OSBP2: variants seen among roughly 807,000 people sequenced by gnomAD.
OSBP2 encodes the protein oxysterol-binding protein 2.
Under a neutral mutation model 96.0 loss-of-function variants are expected in OSBP2, and 66 were observed. The ratio of observed to expected loss-of-function variants is 0.69; its 90% CI spans 0.56 to 0.84. OSBP2 has a LOEUF of 0.84. OSBP2 is among the 40% of genes least tolerant of loss of function. The pLI is 0.00. For synonymous variants in OSBP2, 525 were observed against 520.9 expected (o/e 1.01, Z -0.11); for missense variants, 1,038 against 1,222.7 (o/e 0.85, Z 2.25).
intron 2 of OSBP2, among the ~76,000 whole-genome samples, chr22:30,768,672 T>A (rs1200609384): frequency 6.7e-6 from 1 of 149,612 alleles, no homozygotes; most frequent in African/African-American, 2.5e-5. Flanking sequence ...AGCGAGAAAC[T>A]CCATCTCAAA....
At chr22:30,715,621 G>A (rs917005903) in intron 1 of OSBP2, among the ~76,000 whole-genome samples, 3 of 150,900 alleles carry the variant, frequency 2.0e-5, no homozygotes, top group South Asian at 2.1e-4. Flanking sequence ...GCGCCATCTC[G>A]GCTCACTGCA....
intron 1 of OSBP2, among the ~76,000 whole-genome samples, chr22:30,733,060 G>A (rs1470371253): frequency 2.6e-5 from 4 of 152,194 alleles, no homozygotes; most frequent in Non-Finnish European, 5.9e-5. Flanking sequence ...AAGCACTTCC[G>A]TTTCATGAAG....
chr22:30,757,577 C>A (rs1351404720), intron 2 of OSBP2, among the ~76,000 whole-genome samples: 1 of 152,040 alleles, frequency 6.6e-6, no homozygotes, highest in Admixed American at 6.6e-5. Flanking sequence ...GCCACCATAC[C>A]TGGCTAATTT....
At chr22:30,723,361 TC>T (rs1038216743) in intron 1 of OSBP2, among the ~76,000 whole-genome samples, 3 of 148,494 alleles carry the variant, frequency 2.0e-5, no homozygotes, top group Non-Finnish European at 4.5e-5. Context: ...CGCCTCAGCC[TC>T]CCAAATTGCT....
rs191757559 is a variant in OSBP2 at position 30,881,504 on chromosome 22, G to A, written c.1108-5922G>A. 1.1e-4 allele frequency among the ~76,000 whole-genome samples: 16 copies of A among 152,268 alleles called. No homozygotes were observed. Among genetic ancestry groups the A allele is most frequent in the East Asian group, 3.9e-4 (2 of 5,174 alleles). On this transcript the variant is annotated intron_variant, in intron 3 of 13. Coordinates refer to ENST00000332585, the MANE Select transcript of OSBP2 (RefSeq NM_030758.4). This position sits in a 1 kb window ranked among gnomAD's most constrained non-coding sequence, Gnocchi z 4.5. ...TCTCCTCCTGCTCACAGCTGAGCAC[G>A]AGTCTCCTGGCCCCAGGTAGAGTTG...
intron 2 of OSBP2, among the ~76,000 whole-genome samples, chr22:30,763,478 T>A (rs1310306479): frequency 6.6e-6 from 1 of 152,126 alleles, no homozygotes; most frequent in East Asian, 1.9e-4. Context: ...GAAACCTGTT[T>A]CTACTGAAAA....
Position 30,758,325 on chromosome 22 carries a change from C to T in OSBP2, c.853+16956C>T, listed in dbSNP as rs573779553. Among the ~76,000 whole-genome samples, 22 of 152,180 alleles carry T rather than the reference C, an allele frequency of 1.4e-4. No homozygotes were observed. In the East Asian group the frequency reaches 3.7e-3, roughly 25 times the overall value. On this transcript the variant is annotated intron_variant, in intron 2 of 13. Coordinates refer to ENST00000332585, the MANE Select transcript of OSBP2 (RefSeq NM_030758.4). The stretch of plus-strand genomic sequence containing the variant: ...CTGAGGTGTGATAATCACTTGATCC[C>T]GGGAGGAAGAGGTTGCAGTGAGCCG...
At chr22:30,793,224 T>C (rs1444369219) in intron 2 of OSBP2, among the ~76,000 whole-genome samples, 1 of 151,424 alleles carries the variant, frequency 6.6e-6, no homozygotes, top group Non-Finnish European at 1.5e-5. Flanking sequence ...AACCCATCTC[T>C]ACTAAAAATA....
At chr22:30,734,643 C>T (rs1360172390) in intron 1 of OSBP2, among the ~76,000 whole-genome samples, 2 of 152,070 alleles carry the variant, frequency 1.3e-5, no homozygotes, top group East Asian at 1.9e-4. Flanking sequence ...AAATTTTAGA[C>T]CCTTTCAGGA....
chr22:30,878,607 C>T (rs1040350766), intron 3 of OSBP2, among the ~76,000 whole-genome samples: 1 of 152,134 alleles, frequency 6.6e-6, no homozygotes, highest in Non-Finnish European at 1.5e-5. Context: ...AGAGCTAGCT[C>T]GAGGTGCCCA....
chr22:30,787,847 G>C (rs2090615545), intron 2 of OSBP2, among the ~76,000 whole-genome samples: 1 of 152,104 alleles, frequency 6.6e-6, no homozygotes, highest in African/African-American at 2.4e-5. Flanking sequence ...AAAGAACCTT[G>C]GAGGGGTGTT....
chr22:30,905,994 G>A lies in OSBP2; in HGVS notation c.2533G>A (p.Glu845Lys), dbSNP rs1266547826. ...GGCCAATACCGAGAAGCAGCGGCTG[G>A]AGGAGAAGCAGCGCCTGTCGCGGCG... is the stretch of plus-strand genomic sequence containing the variant. ...DEANTEKQRL[E>K]EKQRLSRRRR... The change falls in exon 13 of 14, where the codon GAG becomes AAG. Residue 845 changes from glutamate (E) to lysine (K), a missense_variant. Coordinates refer to ENST00000332585, the MANE Select transcript of OSBP2 (RefSeq NM_030758.4). 3.1e-6 allele frequency: 5 copies of A among 1,598,428 alleles called. No individual in the cohort carries two copies. Among genetic ancestry groups the A allele is most frequent in the African/African-American group, 1.3e-5 (1 of 74,840 alleles).
At chr22:30,889,962 G>C (rs983908200) in intron 7 of OSBP2, among the ~76,000 whole-genome samples, 1 of 152,146 alleles carries the variant, frequency 6.6e-6, no homozygotes, top group African/African-American at 2.4e-5. Flanking sequence ...GGAGTGGCAG[G>C]ATGGGGCTGT....
At chr22:30,757,525 C>G (rs886411726) in intron 2 of OSBP2, among the ~76,000 whole-genome samples, 34 of 152,156 alleles carry the variant, frequency 2.2e-4, no homozygotes, top group African/African-American at 7.9e-4. Flanking sequence ...TCAAGTGATT[C>G]TCCTGTCTCA....
At chr22:30,777,580 C>G (rs1389996686) in intron 2 of OSBP2, among the ~76,000 whole-genome samples, 1 of 152,162 alleles carries the variant, frequency 6.6e-6, no homozygotes, top group African/African-American at 2.4e-5. Flanking sequence ...ACTAATACAA[C>G]TACTCTTCCA....
At position 30,906,931 on chromosome 22, in the gene OSBP2, C is replaced by G. The variant is rs1169252107; in HGVS notation, c.*592C>G. ...CGATGGTATCTGAGCTGCCCACACC[C>G]CCACCTGCCAAGGCCCCACAGAGCC... On this transcript the variant is annotated 3_prime_UTR_variant, in exon 14 of 14. Coordinates refer to ENST00000332585, the MANE Select transcript of OSBP2 (RefSeq NM_030758.4). 2 of 152,656 alleles carry G rather than the reference C, an allele frequency of 1.3e-5. No homozygotes were observed. Among genetic ancestry groups the G allele is most frequent in the Admixed American group, 6.5e-5 (1 of 15,284 alleles). The allele number at this position is 152,656 out of a possible 1,614,324, so 9.5% of individuals were successfully genotyped here. A position where few individuals can be genotyped will look rare whatever the true frequency, so the allele number is the denominator to read the frequency against.
rs984841866 is a variant in OSBP2 at position 30,846,557 on chromosome 22, G to A, written c.854-23872G>A. Among the ~76,000 whole-genome samples, 27 of 152,006 alleles carry A rather than the reference G, an allele frequency of 1.8e-4. 4 individuals carry two copies. The highest frequency in any genetic ancestry group is 1.5e-3 in the Admixed American group (23 of 15,258). ...TTGATAATAGCCATCCTAGTAGGTG[G>A]GAAATGCTAGTATCTCACTGTGGGT... On this transcript the variant is annotated intron_variant, in intron 2 of 13. Transcript: ENST00000332585.
At chr22:30,840,890 C>T (rs142409966) in intron 2 of OSBP2, among the ~76,000 whole-genome samples, 32 of 151,868 alleles carry the variant, frequency 2.1e-4, no homozygotes, top group Non-Finnish European at 3.5e-4. Flanking sequence ...GTGGGCTAGG[C>T]GAGGTGACTC....
intron 1 of OSBP2, among the ~76,000 whole-genome samples, chr22:30,700,387 A>C (rs1164944794): frequency 1.3e-5 from 2 of 152,108 alleles, no homozygotes; most frequent in Non-Finnish European, 2.9e-5. Context: ...AATTGCGGGA[A>C]GTTCCCTTTG....
Sources: gnomAD v4.1 joint callset for allele counts (sites outside exome capture counted in the v4.1 genomes callset) on GRCh38, gnomAD v4.1.1 for gene constraint, Gnocchi (gnomAD v3.1) non-coding constraint, MANE v1.5 for transcripts, NCBI Gene and HGNC (gene_info 2026-07-23, HGNC 2026-07-21) for gene names.